STRBP: variants seen among roughly 807,000 people sequenced by gnomAD.
STRBP encodes spermatid perinuclear RNA-binding protein.
STRBP carries 13 observed loss-of-function variants against 80.1 expected under a neutral mutation model. That is an observed-to-expected ratio of 0.16 (90% CI 0.11 to 0.26). The LOEUF (loss-of-function observed/expected upper bound fraction) is 0.26. Ranked by LOEUF, STRBP falls within the 10% of genes least tolerant of loss-of-function variation. The pLI is 1.00. For missense variants in STRBP, 485 were observed against 815.2 expected (o/e 0.59, Z 4.93); for synonymous variants, 284 against 291.2 (o/e 0.98, Z 0.25).
chr9:123,168,049 T>C (rs984558199), intron 6 of STRBP: 4 of 190,818 alleles, frequency 2.1e-5, no homozygotes, highest in African/African-American at 9.5e-5. Flanking sequence ...CAAGCAAACA[T>C]GTAATTAACT....
In STRBP at chr9:123,125,537, T is replaced by C; in HGVS notation, c.*60A>G. On this transcript the variant is annotated 3_prime_UTR_variant, in exon 19 of 19. Transcript: ENST00000348403. ...AAGAAAGCAGGATAAAAAGGCTTTT[T>C]CTCTAACATTCTGTGTTGTACTGTA... is the stretch of plus-strand genomic sequence containing the variant. 1 of 1,454,790 alleles carries C rather than the reference T, an allele frequency of 6.9e-7. No individual in the cohort carries two copies. The highest frequency in any genetic ancestry group is 9.1e-7 in the Non-Finnish European group (1 of 1,097,708). 90.1% of individuals were successfully genotyped at this position (1,454,790 alleles called of 1,614,324 possible). A position where few individuals can be genotyped will look rare whatever the true frequency, so the allele number is the denominator to read the frequency against.
rs367729735 is a variant in STRBP at position 123,161,115 on chromosome 9, C to T, written c.536-47G>A. ...GAGAGACAAATACAATTTGACCAAG[C>T]GATTCCTATCAAATTATCAAACAAT... On this transcript the variant is annotated intron_variant, in intron 6 of 18. Transcript: ENST00000348403. The T allele has an allele frequency of 1.5e-4, 196 of 1,293,156 alleles. 1 individual carries two copies. In the African/African-American group the frequency reaches 2.3e-3, roughly 15 times the overall value. 80.1% of individuals were successfully genotyped at this position (1,293,156 alleles called of 1,614,324 possible).
intron 1 of STRBP, among the ~76,000 whole-genome samples, chr9:123,255,487 A>T (rs1173432544): frequency 6.6e-6 from 1 of 152,256 alleles, no homozygotes; most frequent in Non-Finnish European, 1.5e-5. Flanking sequence ...CCAATGAAGC[A>T]GCAGTAAAGG....
chr9:123,118,723 C>T (rs1334179390), downstream of STRBP, among the ~76,000 whole-genome samples: 1 of 152,186 alleles, frequency 6.6e-6, no homozygotes, highest in Admixed American at 6.5e-5. Context: ...AACACTCAGT[C>T]CTTGTCTACG....
At chr9:123,215,702 T>C (rs2039872896) in intron 2 of STRBP, among the ~76,000 whole-genome samples, 1 of 152,150 alleles carries the variant, frequency 6.6e-6, no homozygotes, top group African/African-American at 2.4e-5. Context: ...GGAGAATCGT[T>C]TGAACCCAGG....
At chr9:123,178,194 A>G (rs902504354) in intron 4 of STRBP, among the ~76,000 whole-genome samples, 1 of 152,206 alleles carries the variant, frequency 6.6e-6, no homozygotes, top group African/African-American at 2.4e-5. Context: ...TTTACTTATC[A>G]CACTGATTTA....
intron 2 of STRBP, among the ~76,000 whole-genome samples, chr9:123,202,350 G>C (rs2039357552): frequency 6.6e-6 from 1 of 152,150 alleles, no homozygotes; most frequent in East Asian, 1.9e-4. Context: ...GTGTATATCA[G>C]GCTTTTGTTT....
Position 123,268,556 on chromosome 9 carries a change from T to G in STRBP, c.-422A>C. 6.0e-6 allele frequency: 1 copy of G among 166,824 alleles called. No individual in the cohort carries two copies. The highest frequency in any genetic ancestry group is 1.3e-5 in the Non-Finnish European group (1 of 78,928). 10.3% of individuals were successfully genotyped at this position (166,824 alleles called of 1,614,324 possible). On this transcript the variant is annotated 5_prime_UTR_variant, in exon 1 of 19. Transcript: ENST00000348403. ...GCGGCGGCTGCGGCGGCTGCTGCCC[T>G]GGTGGCGCTCGCGGCTCCGGTCTCC...
At chr9:123,253,420 A>G (rs149721765) in intron 1 of STRBP, among the ~76,000 whole-genome samples, 289 of 152,350 alleles carry the variant, frequency 1.9e-3, no homozygotes, top group African/African-American at 6.7e-3. Context: ...CTGTACTGCT[A>G]AGAGAGTACT....
chr9:123,255,742 G>A (rs959989693), intron 1 of STRBP, among the ~76,000 whole-genome samples: 5 of 152,150 alleles, frequency 3.3e-5, no homozygotes, highest in African/African-American at 7.2e-5. Context: ...ATGAAGGCAC[G>A]AAAGCAACAG....
chr9:123,179,298 A>AT, intron 3 of STRBP, 71 bp from the exon 4 acceptor site: 1 of 1,346,600 alleles, frequency 7.4e-7, no homozygotes, highest in Non-Finnish European at 1.0e-6. Context: ...ATATACAACT[A>AT]TATCTTTAGC....
chr9:123,162,170 A>T (rs2037549047), intron 6 of STRBP, among the ~76,000 whole-genome samples: 1 of 151,934 alleles, frequency 6.6e-6, no homozygotes, highest in Non-Finnish European at 1.5e-5. Context: ...ATACTTTTTG[A>T]TTTCTTCAGT....
chr9:123,224,741 T>C (rs944145445), intron 2 of STRBP, among the ~76,000 whole-genome samples: 8 of 152,136 alleles, frequency 5.3e-5, no homozygotes, highest in South Asian at 2.1e-4. Flanking sequence ...AAGTGACCAA[T>C]TGGAACTTAC....
intron 2 of STRBP, among the ~76,000 whole-genome samples, chr9:123,232,222 G>A (rs923075746): frequency 3.6e-4 from 55 of 152,142 alleles, no homozygotes; most frequent in African/African-American, 1.3e-3. Flanking sequence ...TGACGCAGGA[G>A]AATCGCTTGA....
intron 2 of STRBP, among the ~76,000 whole-genome samples, chr9:123,234,379 C>T (rs950049525): frequency 3.3e-5 from 5 of 150,680 alleles, no homozygotes; most frequent in African/African-American, 1.2e-4. Flanking sequence ...TTAAGTTTCT[C>T]TTCACAAGAC....
At chr9:123,258,901 G>T (rs1444323833) in intron 1 of STRBP, among the ~76,000 whole-genome samples, 10 of 152,028 alleles carry the variant, frequency 6.6e-5, no homozygotes, top group Non-Finnish European at 1.3e-4. Context: ...CAGCAAAGAA[G>T]GCATTCGATC....
At chr9:123,166,648 G>A (rs1270283459) in intron 6 of STRBP, among the ~76,000 whole-genome samples, 2 of 152,052 alleles carry the variant, frequency 1.3e-5, no homozygotes, top group African/African-American at 2.4e-5. Flanking sequence ...CAGCTACTCA[G>A]GGGGCTGAGG....
intron 1 of STRBP, among the ~76,000 whole-genome samples, chr9:123,264,321 A>C (rs531841810): frequency 2.4e-4 from 36 of 152,362 alleles, no homozygotes; most frequent in Non-Finnish European, 4.9e-4. Context: ...TCAAACCAGC[A>C]CTAACACTTA....
intron 2 of STRBP, among the ~76,000 whole-genome samples, chr9:123,223,279 T>A (rs575805220): frequency 5.1e-4 from 77 of 152,296 alleles, no homozygotes; most frequent in East Asian, 3.9e-4. Context: ...TATGAGACCA[T>A]AATGGTAACC....
Sources: gnomAD v4.1 joint callset for allele counts (sites outside exome capture counted in the v4.1 genomes callset) on GRCh38, gnomAD v4.1.1 for gene constraint, MANE v1.5 for transcripts, NCBI Gene and HGNC (gene_info 2026-07-23, HGNC 2026-07-21) for gene names.